Variants in RBPMS2 observed in about 807,000 individuals in gnomAD.
RBPMS2 encodes RNA binding protein, mRNA processing factor 2.
In RBPMS2, 14 loss-of-function variants were observed where a neutral mutation model predicts 25.7. The ratio of observed to expected loss-of-function variants is 0.55; its 90% CI spans 0.36 to 0.85. The LOEUF is 0.85. Ranked by LOEUF, RBPMS2 falls within the 40% of genes least tolerant of loss-of-function variation. The pLI, the probability that RBPMS2 is intolerant of heterozygous loss-of-function variation, is 0.01. For missense variants in RBPMS2, 252 were observed against 283.4 expected, an observed-to-expected ratio of 0.89 and a Z score of 0.80; for synonymous variants, 127 against 115.6, an observed-to-expected ratio of 1.10 and a Z score of -0.63.
At chr15:64,761,742 G>C (rs1403126010) in intron 1 of RBPMS2, among the ~76,000 whole-genome samples, 6 of 121,720 alleles carry the variant, frequency 4.9e-5, no homozygotes, top group Non-Finnish European at 9.5e-5. Context: ...TCACTCTGTC[G>C]CCCAGGCTGC....
chr15:64,751,905 A>G (rs1005840295), intron 1 of RBPMS2, among the ~76,000 whole-genome samples: 14 of 152,036 alleles, frequency 9.2e-5, no homozygotes, highest in African/African-American at 3.4e-4. Flanking sequence ...GCTGGTGAAC[A>G]GAGGCAAAAA....
At chr15:64,764,119 TG>T (rs895243539) in intron 1 of RBPMS2, among the ~76,000 whole-genome samples, 1 of 152,178 alleles carries the variant, frequency 6.6e-6, no homozygotes, top group African/African-American at 2.4e-5. Flanking sequence ...GGCCAGGACT[TG>T]GCTTTCAGGG....
At chr15:64,751,491 C>T (rs1370745906) in intron 2 of RBPMS2, 70 bp downstream of exon 2, 4 of 1,378,504 alleles carry the variant, frequency 2.9e-6, no homozygotes, top group Non-Finnish European at 4.1e-6. Flanking sequence ...CCTGCCCGAC[C>T]CGAGATTCAC....
chr15:64,751,674 C>A, intron 1 of RBPMS2, 36 bp from the exon 2 acceptor site: 1 of 1,568,278 alleles, frequency 6.4e-7, no homozygotes, highest in East Asian at 2.2e-5. Flanking sequence ...GCCAGGCTGC[C>A]CAAGACGGAC....
At position 64,748,688 on chromosome 15, in the gene RBPMS2, C is replaced by G. The variant is rs1052360557; in HGVS notation, c.419-121G>C. ...ACACTGAGGCCAGACCACCCCCAAC[C>G]ACAGAGGACCCCGAGACCAGGCAAG... On this transcript the variant is annotated intron_variant, in intron 5 of 7. Transcript: ENST00000300069. The G allele has an allele frequency of 1.1e-5, 14 of 1,219,160 alleles. No homozygotes were observed. The African/African-American group carries it at 1.4e-4, about 12-fold the overall frequency. The allele number at this position is 1,219,160 out of a possible 1,614,324, so 75.5% of individuals were successfully genotyped here. A position where few individuals can be genotyped will look rare whatever the true frequency, so the allele number is the denominator to read the frequency against.
At chr15:64,748,680 C>T in intron 5 of RBPMS2, 113 bp from the exon 6 acceptor site, 14 of 1,297,972 alleles carry the variant, frequency 1.1e-5, no homozygotes, top group Non-Finnish European at 1.4e-5. Context: ...GGCCAGACCA[C>T]CCCCAACCAC....
intron 5 of RBPMS2, 131 bp from the exon 6 acceptor site, chr15:64,748,698 C>G: frequency 1.7e-6 from 2 of 1,149,988 alleles, no homozygotes; most frequent in Non-Finnish European, 2.4e-6. Context: ...CACAGAGGAC[C>G]CCGAGACCAG....
intron 1 of RBPMS2, among the ~76,000 whole-genome samples, chr15:64,758,743 G>A (rs1320266492): frequency 2.0e-5 from 3 of 152,034 alleles, no homozygotes; most frequent in Non-Finnish European, 2.9e-5. Context: ...GGGAGTGGGA[G>A]GGTGGGAGAG....
intron 6 of RBPMS2, among the ~76,000 whole-genome samples, chr15:64,745,642 T>C (rs2083611961): frequency 6.6e-6 from 1 of 152,206 alleles, no homozygotes; most frequent in Admixed American, 6.5e-5. Flanking sequence ...ACCATCTTTC[T>C]ATGCTGAACC....
chr15:64,748,396 C>T, intron 6 of RBPMS2, 23 bp downstream of exon 6: 1 of 1,610,068 alleles, frequency 6.2e-7, no homozygotes, highest in Non-Finnish European at 8.5e-7. Flanking sequence ...GTTCTTCGCC[C>T]TCCCCAACCT....
At chr15:64,773,254 C>A (rs182953931) in intron 1 of RBPMS2, among the ~76,000 whole-genome samples, 1 of 152,338 alleles carries the variant, frequency 6.6e-6, no homozygotes, top group East Asian at 1.9e-4. Context: ...GCCTACACCA[C>A]CAATCCAAGA....
chr15:64,769,870 G>A (rs990050757), intron 1 of RBPMS2, among the ~76,000 whole-genome samples: 3 of 151,880 alleles, frequency 2.0e-5, no homozygotes, highest in Admixed American at 6.6e-5. Context: ...CCAAAACTCA[G>A]CCATTAGAAA....
At chr15:64,760,360 A>G (rs920871611) in intron 1 of RBPMS2, among the ~76,000 whole-genome samples, 1 of 152,228 alleles carries the variant, frequency 6.6e-6, no homozygotes, top group African/African-American at 2.4e-5. Flanking sequence ...ATCCAACTCT[A>G]AACTTCTCAG....
intron 1 of RBPMS2, among the ~76,000 whole-genome samples, chr15:64,764,418 C>T (rs994372084): frequency 6.6e-6 from 1 of 152,240 alleles, no homozygotes; most frequent in African/African-American, 2.4e-5. Flanking sequence ...GAGCCCACCA[C>T]ACCTAGCCCA....
intron 1 of RBPMS2, among the ~76,000 whole-genome samples, chr15:64,763,722 T>C (rs928213402): frequency 6.6e-6 from 1 of 151,886 alleles, no homozygotes; most frequent in Non-Finnish European, 1.5e-5. Context: ...GTGGCAGAGC[T>C]GAGGCTTAAG....
chr15:64,769,820 C>G (rs2083879483), intron 1 of RBPMS2, among the ~76,000 whole-genome samples: 1 of 152,168 alleles, frequency 6.6e-6, no homozygotes, highest in Admixed American at 6.5e-5. Flanking sequence ...CCAAAGGAAA[C>G]TAGTCCGGAG....
intron 1 of RBPMS2, among the ~76,000 whole-genome samples, chr15:64,768,172 C>T (rs1156500902): frequency 6.6e-6 from 1 of 152,144 alleles, no homozygotes; most frequent in African/African-American, 2.4e-5. Flanking sequence ...AGTAGTCACG[C>T]CCAGGTACAG....
intron 1 of RBPMS2, among the ~76,000 whole-genome samples, chr15:64,763,951 T>A (rs2083817068): frequency 6.6e-6 from 1 of 152,190 alleles, no homozygotes; most frequent in African/African-American, 2.4e-5. Context: ...GAAGCCTTAA[T>A]GTCGTGGGAA....
intron 6 of RBPMS2, among the ~76,000 whole-genome samples, chr15:64,746,891 G>A (rs1381351000): frequency 1.3e-5 from 2 of 152,188 alleles, no homozygotes; most frequent in African/African-American, 4.8e-5. Flanking sequence ...TGAGGTGGGA[G>A]CCTGTGATTC....
Sources: allele counts gnomAD v4.1 joint callset (sites outside exome capture counted in the v4.1 genomes callset), GRCh38; gene constraint gnomAD v4.1.1; transcripts MANE v1.5; gene names NCBI Gene and HGNC (gene_info 2026-07-23, HGNC 2026-07-21).